CSMD1: variants seen among roughly 807,000 people sequenced by gnomAD.
The protein encoded by CSMD1 is CUB and Sushi multiple domains 1, also known as CUB and sushi domain-containing protein 1.
Under a neutral mutation model 417.5 loss-of-function variants are expected in CSMD1, and 213 were observed. The ratio of observed to expected loss-of-function variants is 0.51; its 90% CI spans 0.46 to 0.57. The LOEUF (loss-of-function observed/expected upper bound fraction) is 0.57, where lower values mean the gene tolerates loss of function less well. Ranked by LOEUF, CSMD1 falls within the 20% of genes least tolerant of loss-of-function variation. The pLI is 0.00. For synonymous variants in CSMD1, 2,862 were observed against 1,736.8 expected (o/e 1.65, Z -16.11); for missense variants, 6,923 against 4,529.7 (o/e 1.53, Z -15.17).
intron 3 of CSMD1, among the ~76,000 whole-genome samples, chr8:4,036,956 GGTGTGT>G (rs57139782): frequency 0.2 from 28,614 of 145,808 alleles, 2,901 homozygotes; most frequent in South Asian, 0.28. Flanking sequence ...GTGAGTGTGG[GGTGTGT>G]GTGTGTGTGT....
At chr8:4,118,094 G>A (rs1036256787) in intron 3 of CSMD1, among the ~76,000 whole-genome samples, 5 of 152,088 alleles carry the variant, frequency 3.3e-5, no homozygotes, top group African/African-American at 1.2e-4. Flanking sequence ...CAAATTATAA[G>A]GCTTGTGTGT....
At chr8:4,298,047 A>G (rs1026297030) in intron 3 of CSMD1, among the ~76,000 whole-genome samples, 1 of 152,178 alleles carries the variant, frequency 6.6e-6, no homozygotes, top group Admixed American at 6.6e-5. Flanking sequence ...GAACTCAAGC[A>G]TCACTACCAG....
At chr8:3,585,608 T>C (rs1022903294) in intron 9 of CSMD1, among the ~76,000 whole-genome samples, 8 of 152,174 alleles carry the variant, frequency 5.3e-5, no homozygotes, top group African/African-American at 1.7e-4. Flanking sequence ...TATGTTTTAT[T>C]AGAAAATGAT....
At chr8:3,603,470 T>A (rs1801460297) in intron 8 of CSMD1, among the ~76,000 whole-genome samples, 1 of 152,202 alleles carries the variant, frequency 6.6e-6, no homozygotes, top group African/African-American at 2.4e-5. Flanking sequence ...CAATCCCACT[T>A]TGTCCTCCTT....
chr8:3,412,652 G>A (rs1015598028), intron 12 of CSMD1, among the ~76,000 whole-genome samples: 1 of 152,142 alleles, frequency 6.6e-6, no homozygotes, highest in Admixed American at 6.5e-5. Flanking sequence ...TCACACCTCA[G>A]GCTACCAAAC....
chr8:4,504,773 G>A lies in CSMD1; in HGVS notation c.303-84708C>T, dbSNP rs180966849. 4.9e-3 allele frequency among the ~76,000 whole-genome samples: 742 copies of A among 152,142 alleles called. 6 individuals carry two copies. The highest frequency in any genetic ancestry group is 0.017 in the African/African-American group (703 of 41,514). On this transcript the variant is annotated intron_variant, in intron 2 of 69. Transcript: ENST00000635120. ...CTGTGTTAGTTTGCTGAGAATGATG[G>A]TTTCCAGCTTCATCCATGTCCCTGC...
intron 5 of CSMD1, among the ~76,000 whole-genome samples, chr8:3,957,958 T>A (rs867518466): frequency 1.3e-5 from 2 of 152,162 alleles, no homozygotes; most frequent in Admixed American, 1.3e-4. Context: ...GTATAAAATA[T>A]TTGAAAATAT....
At chr8:3,604,372 T>A (rs933887072) in intron 8 of CSMD1, among the ~76,000 whole-genome samples, 20 of 152,084 alleles carry the variant, frequency 1.3e-4, no homozygotes, top group African/African-American at 4.8e-4. Flanking sequence ...CATGGGGTGA[T>A]GCTCCGAATC....
chr8:3,706,686 T>C (rs1429727183), intron 7 of CSMD1, among the ~76,000 whole-genome samples: 1 of 152,144 alleles, frequency 6.6e-6, no homozygotes, highest in Non-Finnish European at 1.5e-5. Context: ...CTGATATTGA[T>C]TTAATGTAAG....
intron 3 of CSMD1, among the ~76,000 whole-genome samples, chr8:4,286,256 C>T (rs1797049858): frequency 6.6e-6 from 1 of 152,126 alleles, no homozygotes; most frequent in Non-Finnish European, 1.5e-5. Context: ...CCGCCATGCT[C>T]TCCATGTCTC....
intron 5 of CSMD1, among the ~76,000 whole-genome samples, chr8:3,789,014 C>A (rs912812834): frequency 6.6e-6 from 1 of 152,158 alleles, no homozygotes; most frequent in Non-Finnish European, 1.5e-5. Flanking sequence ...ACACTCTTCC[C>A]AAATTAGGAG....
intron 12 of CSMD1, among the ~76,000 whole-genome samples, chr8:3,419,376 C>T (rs1017629805): frequency 4.6e-5 from 7 of 152,108 alleles, no homozygotes; most frequent in African/African-American, 1.7e-4. Context: ...GTGCTGATCA[C>T]CAGATGAAGC....
At chr8:4,895,482 G>A (rs1394660475) in intron 1 of CSMD1, among the ~76,000 whole-genome samples, 2 of 152,066 alleles carry the variant, frequency 1.3e-5, no homozygotes, top group African/African-American at 4.8e-5. Flanking sequence ...CATTTGTCTA[G>A]TACATGTTTT....
rs1212005823 is a variant in CSMD1, at chr8:2,965,830, G to A, written c.9225C>T (p.Ala3075=). 6.2e-7 allele frequency: 1 copy of A among 1,609,172 alleles called. No individual in the cohort carries two copies. Among genetic ancestry groups the A allele is most frequent in the South Asian group, 1.1e-5 (1 of 89,870 alleles). The change falls in exon 59 of 70, where the codon GCC becomes GCT. Residue 3075 remains alanine (A), a synonymous_variant. Transcript: ENST00000635120. ...PGYVMEAVTS[A]TIRCTKDGRW... ...TGCCGTCTTTGGTACAGCGAATAGT[G>A]GCGGATGTGACTGCTTCCATGACAT...
intron 38 of CSMD1, among the ~76,000 whole-genome samples, chr8:3,161,381 C>A (rs1819880427): frequency 1.3e-5 from 2 of 152,094 alleles, no homozygotes; most frequent in African/African-American, 2.4e-5. Flanking sequence ...CTTTGGGAGG[C>A]CAAGGCAGGT....
At chr8:4,728,188 T>C (rs891120696) in intron 1 of CSMD1, among the ~76,000 whole-genome samples, 1 of 147,618 alleles carries the variant, frequency 6.8e-6, no homozygotes, top group Non-Finnish European at 1.5e-5. Context: ...GGCATTTATA[T>C]ATTCGTATAT....
intron 3 of CSMD1, among the ~76,000 whole-genome samples, chr8:4,161,253 A>G (rs1240177361): frequency 2.0e-5 from 3 of 152,242 alleles, no homozygotes; most frequent in East Asian, 1.9e-4. Context: ...ATCTGCATTT[A>G]CATGTGAGCC....
chr8:3,234,496 G>C (rs879765727), intron 26 of CSMD1, among the ~76,000 whole-genome samples: 4 of 151,986 alleles, frequency 2.6e-5, no homozygotes, highest in Admixed American at 6.6e-5. Flanking sequence ...TGGAGATCTA[G>C]AAGAGAGTGC....
At chr8:3,797,756 T>C (rs990552967) in intron 5 of CSMD1, among the ~76,000 whole-genome samples, 1 of 151,978 alleles carries the variant, frequency 6.6e-6, no homozygotes, top group Non-Finnish European at 1.5e-5. Context: ...TGGACACGTA[T>C]TTTCATTAAA....
Sources: allele counts gnomAD v4.1 joint callset (sites outside exome capture counted in the v4.1 genomes callset), GRCh38; gene constraint gnomAD v4.1.1; transcripts MANE v1.5; gene names NCBI Gene and HGNC (gene_info 2026-07-23, HGNC 2026-07-21).